SEPSECS: variants seen among roughly 807,000 people sequenced by gnomAD.
SEPSECS encodes the protein O-phosphoseryl-tRNA(Sec) selenium transferase.
A neutral mutation model predicts 52.1 loss-of-function variants in SEPSECS; 42 were observed. The observed-to-expected ratio is 0.81, with a 90% confidence interval of 0.63 to 1.04. SEPSECS has a LOEUF of 1.04. SEPSECS is among the 50% of genes least tolerant of loss of function. SEPSECS has a pLI of 0.00. For missense variants in SEPSECS, 590 were observed against 610.6 expected (o/e 0.97, Z 0.36); for synonymous variants, 216 against 211.4 (o/e 1.02, Z -0.19).
intron 6 of SEPSECS, among the ~76,000 whole-genome samples, chr4:25,148,410 T>C (rs1712114951): frequency 6.9e-6 from 1 of 145,488 alleles, no homozygotes; most frequent in Non-Finnish European, 1.5e-5. Flanking sequence ...GGAGAGTGTG[T>C]AGTAAATGGT....
In SEPSECS at chr4:25,125,694, C is replaced by G. The variant is rs1211024374; in HGVS notation, c.1211G>C (p.Arg404Thr). 6.2e-7 allele frequency: 1 copy of G among 1,605,284 alleles called. No homozygotes were observed. Among genetic ancestry groups the G allele is most frequent in the African/African-American group, 1.3e-5 (1 of 74,744 alleles). Reference protein sequence around the residue: ...MLFTRQVSGARVVPLGSMQTV... With the variant: ...MLFTRQVSGATVVPLGSMQTV... ...CCATATCTATCTTAAACATACTTAC[C>G]TGGCTCCAGAAACCTGTCTGGTAAA... Residue 404 changes from arginine to threonine, a missense_variant and splice_region_variant, in exon 10 of 11, where the codon AGG becomes ACG. Coordinates refer to ENST00000382103, the MANE Select transcript of SEPSECS (RefSeq NM_016955.4).
intron 8 of SEPSECS, among the ~76,000 whole-genome samples, chr4:25,130,587 C>T (rs528844501): frequency 1.3e-5 from 2 of 152,208 alleles, no homozygotes; most frequent in South Asian, 4.2e-4. Flanking sequence ...AGTTCACATC[C>T]ATCAACAAAT....
intron 1 of SEPSECS, chr4:25,160,011 C>G (rs997372273): frequency 3.0e-6 from 3 of 985,306 alleles, no homozygotes; most frequent in Admixed American, 6.1e-5. Context: ...AAGTTAGAAA[C>G]AGCGGGACTC....
intron 6 of SEPSECS, among the ~76,000 whole-genome samples, chr4:25,145,334 GAATA>G (rs1711898511): frequency 6.6e-6 from 1 of 151,562 alleles, no homozygotes; most frequent in Admixed American, 6.6e-5. Flanking sequence ...CTCTACCTTA[GAATA>G]AAAATAAACA....
intron 8 of SEPSECS, among the ~76,000 whole-genome samples, chr4:25,135,247 TA>T (rs869095335): frequency 3.5e-3 from 417 of 119,144 alleles, no homozygotes; most frequent in African/African-American, 5.7e-3. Flanking sequence ...GAAAAACCGT[TA>T]AAAAAAAAAA....
At chr4:25,153,024 A>T (rs1712400731) in intron 5 of SEPSECS, among the ~76,000 whole-genome samples, 1 of 151,950 alleles carries the variant, frequency 6.6e-6, no homozygotes, top group Non-Finnish European at 1.5e-5. Flanking sequence ...TTTAACTGTA[A>T]GTAGGAATAC....
In SEPSECS at chr4:25,123,879, T is replaced by TACTA. The variant is rs1463165047; in HGVS notation, c.*48_*51dup. 2 of 1,450,130 alleles carry TACTA rather than the reference T, an allele frequency of 1.4e-6. No individual in the cohort carries two copies. The highest frequency in any genetic ancestry group is 3.4e-5 in the Admixed American group (2 of 59,666). The allele number at this position is 1,450,130 out of a possible 1,614,324, so 89.8% of individuals were successfully genotyped here. A position where few individuals can be genotyped will look rare whatever the true frequency, so the allele number is the denominator to read the frequency against. ...GTCTTATCTTTAAACTGCTTGCTTG[T>TACTA]ACTACAGCCTTATCATTTCTTTCAA... On this transcript the variant is annotated 3_prime_UTR_variant, in exon 11 of 11. Coordinates refer to ENST00000382103, the MANE Select transcript of SEPSECS (RefSeq NM_016955.4).
intron 6 of SEPSECS, among the ~76,000 whole-genome samples, chr4:25,147,639 GTAAATA>G (rs1167001385): frequency 1.5e-4 from 23 of 151,990 alleles, no homozygotes; most frequent in Admixed American, 1.5e-3. Context: ...CGTCATTTTA[GTAAATA>G]TAAACAGAAA....
chr4:25,151,136 A>T (rs1224486216), intron 6 of SEPSECS, among the ~76,000 whole-genome samples: 1 of 152,226 alleles, frequency 6.6e-6, no homozygotes, highest in Non-Finnish European at 1.5e-5. Context: ...TAAACACAAT[A>T]TTTCATTTAT....
rs1365488756 is a variant in SEPSECS, at chr4:25,156,868, T to C, written c.376A>G (p.Ile126Val). ...KITNSLVLDI[I>V]KLAGVHTVAN... ...AGACGGTACATACCAGCCAGCTTTA[T>C]AATGTCCAGGACCAAAGAATTGGTA... Residue 126 changes from isoleucine to valine, a missense_variant, in exon 3 of 11, where the codon ATA becomes GTA. By Grantham distance (29) the Ile-to-Val change is conservative (BLOSUM62 3). Coordinates refer to ENST00000382103, the MANE Select transcript of SEPSECS (RefSeq NM_016955.4). The C allele has an allele frequency of 6.3e-7, 1 of 1,586,284 alleles. No individual in the cohort carries two copies. The highest frequency in any genetic ancestry group is 8.7e-7 in the Non-Finnish European group (1 of 1,154,656).
At chr4:25,142,048 G>C (rs1454522708) in intron 8 of SEPSECS, among the ~76,000 whole-genome samples, 1 of 152,196 alleles carries the variant, frequency 6.6e-6, no homozygotes, top group African/African-American at 2.4e-5. Flanking sequence ...AGGCCAAGGT[G>C]GGGGGATCAC....
In SEPSECS at chr4:25,148,302, A is replaced by G. The variant is rs373603902; in HGVS notation, c.805-3169T>C. ...TGGGAGGCGGAGCTTGCAGTGAGCC[A>G]AGATCGCGCTACTGCACTCCAGCCT... On this transcript the variant is annotated intron_variant, in intron 6 of 10. Transcript: ENST00000382103. Among the ~76,000 whole-genome samples the G allele has an allele frequency of 7.5e-4, 111 of 147,160 alleles. No homozygotes were observed. In the East Asian group the frequency reaches 0.017, roughly 22 times the overall value.
intron 4 of SEPSECS, 94 bp downstream of exon 4, chr4:25,155,943 G>A (rs1712598902): frequency 8.5e-7 from 1 of 1,182,128 alleles, no homozygotes; most frequent in Admixed American, 1.9e-5. Context: ...ATAGGGAAGA[G>A]AGTTAGTTTA....
chr4:25,145,385 T>A (rs1711901434), intron 6 of SEPSECS, among the ~76,000 whole-genome samples: 1 of 152,142 alleles, frequency 6.6e-6, no homozygotes, highest in Non-Finnish European at 1.5e-5. Context: ...AATTGAAAAA[T>A]TTTATTTTTA....
chr4:25,150,644 T>C (rs1282632840), intron 6 of SEPSECS, among the ~76,000 whole-genome samples: 1 of 151,618 alleles, frequency 6.6e-6, no homozygotes. Flanking sequence ...GAATTTCAGA[T>C]GTCAAAATGT....
At chr4:25,137,761 C>T (rs1281472385) in intron 8 of SEPSECS, among the ~76,000 whole-genome samples, 3 of 152,116 alleles carry the variant, frequency 2.0e-5, no homozygotes, top group Admixed American at 6.5e-5. Context: ...AAGATACATG[C>T]ACATGTATGT....
intron 8 of SEPSECS, among the ~76,000 whole-genome samples, chr4:25,132,748 C>T (rs1728662274): frequency 6.6e-6 from 1 of 152,112 alleles, no homozygotes; most frequent in African/African-American, 2.4e-5. Context: ...TTTTACATAC[C>T]TCCACTAGAG....
At position 25,125,798 on chromosome 4, in the gene SEPSECS, A is replaced by C; in HGVS notation, c.1121-14T>G. Reference sequence around the variant, plus strand: ...TAAGTGTCATAGCTGAAAAAGAAAAAAGTATCCTAATAAGCCTTGGTTTAC... The same window carrying C: ...TAAGTGTCATAGCTGAAAAAGAAAACAGTATCCTAATAAGCCTTGGTTTAC... On this transcript the variant is annotated splice_polypyrimidine_tract_variant and intron_variant, in intron 9 of 10. Coordinates refer to ENST00000382103, the MANE Select transcript of SEPSECS (RefSeq NM_016955.4). 6.4e-7 allele frequency: 1 copy of C among 1,560,544 alleles called. No homozygotes were observed. The highest frequency in any genetic ancestry group is 1.7e-5 in the Admixed American group (1 of 59,360).
chr4:25,157,034 G>T, intron 2 of SEPSECS, 60 bp from the exon 3 acceptor site: 1 of 908,944 alleles, frequency 1.1e-6, no homozygotes. Flanking sequence ...GTAATACAAT[G>T]TACAAATATG....
Sources: allele counts gnomAD v4.1 joint callset (sites outside exome capture counted in the v4.1 genomes callset), GRCh38; gene constraint gnomAD v4.1.1; transcripts MANE v1.5; gene names NCBI Gene and HGNC (gene_info 2026-07-23, HGNC 2026-07-21).